LEKR1: variants seen among roughly 807,000 people sequenced by gnomAD.
LEKR1 encodes protein LEKR1.
LEKR1 carries 59 observed loss-of-function variants against 72.4 expected under a neutral mutation model. That is an observed-to-expected ratio of 0.82 (90% confidence interval 0.66 to 1.01). LEKR1 has a LOEUF of 1.01. LEKR1 is among the 50% of genes least tolerant of loss of function. The probability of loss-of-function intolerance (pLI) is 0.00; values close to 1 mark genes in which losing one functional copy is unlikely to be tolerated. For missense variants in LEKR1, 728 were observed against 759.2 expected, an observed-to-expected ratio of 0.96 and a Z score of 0.48; for synonymous variants, 257 against 263.2, an observed-to-expected ratio of 0.98 and a Z score of 0.23.
intron 3 of LEKR1, among the ~76,000 whole-genome samples, chr3:156,918,227 T>G (rs1166412270): frequency 6.6e-6 from 1 of 152,152 alleles, no homozygotes; most frequent in Non-Finnish European, 1.5e-5. Context: ...TATGTAGATA[T>G]GTATAGGAGG....
chr3:156,880,208 C>T (rs946931639), intron 3 of LEKR1, among the ~76,000 whole-genome samples: 9 of 152,210 alleles, frequency 5.9e-5, no homozygotes, highest in Non-Finnish European at 7.3e-5. Context: ...GCCACAGGGG[C>T]GGAGCTGCCC....
At chr3:156,883,285 C>T (rs1438355260) in intron 3 of LEKR1, among the ~76,000 whole-genome samples, 1 of 152,158 alleles carries the variant, frequency 6.6e-6, no homozygotes, top group East Asian at 1.9e-4. Flanking sequence ...ACCCAAATGC[C>T]TGCACCCCCA....
intron 7 of LEKR1, among the ~76,000 whole-genome samples, chr3:156,989,651 A>G (rs1730990708): frequency 6.6e-6 from 1 of 152,070 alleles, no homozygotes; most frequent in Non-Finnish European, 1.5e-5. Context: ...CTAATGTTTT[A>G]TTTGGAAATA....
At chr3:156,919,477 G>A (rs1723986055) in intron 3 of LEKR1, among the ~76,000 whole-genome samples, 1 of 152,072 alleles carries the variant, frequency 6.6e-6, no homozygotes, top group Non-Finnish European at 1.5e-5. Flanking sequence ...TGCAGTGACT[G>A]GTCTCACCCA....
intron 12 of LEKR1, among the ~76,000 whole-genome samples, chr3:157,035,438 C>T (rs562984380): frequency 6.6e-6 from 1 of 152,244 alleles, no homozygotes; most frequent in East Asian, 1.9e-4. Flanking sequence ...TGAGAAAAGG[C>T]ACTGAACCTG....
At chr3:156,883,148 A>T (rs912363356) in intron 3 of LEKR1, among the ~76,000 whole-genome samples, 5 of 148,210 alleles carry the variant, frequency 3.4e-5, no homozygotes, top group Admixed American at 3.3e-4. Context: ...AACTTAAAGT[A>T]TAATAATAAT....
intron 7 of LEKR1, among the ~76,000 whole-genome samples, chr3:156,992,087 G>A (rs1485994725): frequency 6.6e-6 from 1 of 152,182 alleles, no homozygotes; most frequent in African/African-American, 2.4e-5. Context: ...TAATACATGT[G>A]TAGTTCAGGG....
At chr3:156,834,296 G>A (rs560104505) in intron 2 of LEKR1, among the ~76,000 whole-genome samples, 8 of 152,130 alleles carry the variant, frequency 5.3e-5, no homozygotes, top group African/African-American at 1.2e-4. Flanking sequence ...AAATAATCCC[G>A]TTCAACTTTT....
At chr3:156,899,617 TATATACACATATATACAC>T (rs1721741559) in intron 3 of LEKR1, among the ~76,000 whole-genome samples, 3 of 86,434 alleles carry the variant, frequency 3.5e-5, no homozygotes, top group Non-Finnish European at 6.7e-5. Flanking sequence ...TATACACACA[TATATACACATATATACAC>T]GCATATATAC....
intron 3 of LEKR1, among the ~76,000 whole-genome samples, chr3:156,868,471 G>A (rs903024768): frequency 6.6e-6 from 1 of 151,986 alleles, no homozygotes; most frequent in African/African-American, 2.4e-5. Context: ...CCTGTGGAAT[G>A]CCTGTGCCTG....
At chr3:156,894,299 G>C (rs1188448029) in intron 3 of LEKR1, among the ~76,000 whole-genome samples, 1 of 152,096 alleles carries the variant, frequency 6.6e-6, no homozygotes, top group East Asian at 1.9e-4. Context: ...AAATAAAAGT[G>C]ATCACATACA....
chr3:156,983,219 T>A (rs2108002091), intron 7 of LEKR1, among the ~76,000 whole-genome samples: 1 of 152,204 alleles, frequency 6.6e-6, no homozygotes, highest in South Asian at 2.1e-4. Flanking sequence ...GTAGAAAGGG[T>A]AAACTCTACT....
At chr3:156,869,236 T>A (rs1312794044) in intron 3 of LEKR1, among the ~76,000 whole-genome samples, 1 of 152,092 alleles carries the variant, frequency 6.6e-6, no homozygotes, top group Non-Finnish European at 1.5e-5. Flanking sequence ...TGCTAGATTG[T>A]ATGGCAGTAC....
At chr3:156,971,336 A>T (rs1729167836) in intron 6 of LEKR1, among the ~76,000 whole-genome samples, 1 of 152,198 alleles carries the variant, frequency 6.6e-6, no homozygotes, top group African/African-American at 2.4e-5. Context: ...TACAAAAATT[A>T]ATTCAAGATG....
At chr3:156,978,438 T>C (rs1729893024) in intron 6 of LEKR1, among the ~76,000 whole-genome samples, 1 of 152,210 alleles carries the variant, frequency 6.6e-6, no homozygotes, top group African/African-American at 2.4e-5. Flanking sequence ...TTTTCCATTA[T>C]AACTTATTCT....
intron 3 of LEKR1, among the ~76,000 whole-genome samples, chr3:156,892,757 G>A (rs1236369092): frequency 1.3e-5 from 2 of 152,138 alleles, no homozygotes; most frequent in African/African-American, 4.8e-5. Context: ...CTTACCCTTG[G>A]TGGTGGTTGA....
chr3:157,038,449 T>G (rs1325130060), intron 12 of LEKR1, among the ~76,000 whole-genome samples: 1 of 152,220 alleles, frequency 6.6e-6, no homozygotes, highest in African/African-American at 2.4e-5. Flanking sequence ...GAAGGCAAGC[T>G]GGAGATGTCG....
At chr3:156,940,063 A>G (rs919749108) in intron 5 of LEKR1, among the ~76,000 whole-genome samples, 2 of 152,146 alleles carry the variant, frequency 1.3e-5, no homozygotes, top group African/African-American at 2.4e-5. Context: ...GCTGAGATAA[A>G]CACATATTCA....
chr3:156,860,355 C>T (rs1034615768), intron 3 of LEKR1, among the ~76,000 whole-genome samples: 7 of 152,030 alleles, frequency 4.6e-5, no homozygotes, highest in African/African-American at 1.7e-4. Flanking sequence ...CCGCTTATGC[C>T]AAATTGAGAC....
Sources: gnomAD v4.1 joint callset for allele counts (sites outside exome capture counted in the v4.1 genomes callset) on GRCh38, gnomAD v4.1.1 for gene constraint, MANE v1.5 for transcripts, NCBI Gene and HGNC (gene_info 2026-07-23, HGNC 2026-07-21) for gene names.